ARHGAP22: variants seen among roughly 807,000 people sequenced by gnomAD.
ARHGAP22 encodes the protein rho GTPase-activating protein 22.
In ARHGAP22, 48 loss-of-function variants were observed where a neutral mutation model predicts 59.1. That is an observed-to-expected ratio of 0.81 (90% CI 0.64 to 1.03). The LOEUF is 1.03. Ranked by LOEUF, ARHGAP22 falls within the 50% of genes least tolerant of loss-of-function variation. The pLI, the probability that ARHGAP22 is intolerant of heterozygous loss-of-function variation, is 0.00. For missense variants in ARHGAP22, 1,015 were observed against 958.7 expected (o/e 1.06, Z -0.78); for synonymous variants, 445 against 416.4 (o/e 1.07, Z -0.84).
chr10:48,457,238 C>A (rs1055449454), intron 5 of ARHGAP22, among the ~76,000 whole-genome samples: 1 of 152,132 alleles, frequency 6.6e-6, no homozygotes, highest in Non-Finnish European at 1.5e-5. Flanking sequence ...TCCTGACTCG[C>A]CTCACTCCCC....
At chr10:48,472,278 C>G (rs954462285) in intron 4 of ARHGAP22, among the ~76,000 whole-genome samples, 10 of 151,692 alleles carry the variant, frequency 6.6e-5, no homozygotes, top group Admixed American at 1.3e-4. Context: ...AATCCCAGCA[C>G]TTTGGGAGGC....
At chr10:48,518,064 A>C (rs1231028195) in intron 3 of ARHGAP22, among the ~76,000 whole-genome samples, 3 of 150,160 alleles carry the variant, frequency 2.0e-5, no homozygotes, top group African/African-American at 7.4e-5. Context: ...TTTTTGAAAA[A>C]CCCCCAGGGC....
chr10:48,541,979 G>A (rs926673632), intron 3 of ARHGAP22, among the ~76,000 whole-genome samples: 7 of 152,238 alleles, frequency 4.6e-5, no homozygotes, highest in Admixed American at 3.3e-4. Flanking sequence ...TCAGCAGGTT[G>A]GACAGGAGAA....
At chr10:48,594,894 C>A (rs59433435) in intron 1 of ARHGAP22, among the ~76,000 whole-genome samples, 2 of 151,460 alleles carry the variant, frequency 1.3e-5, no homozygotes, top group African/African-American at 4.9e-5. Context: ...TCCCCCTCCC[C>A]CCCAACTGTG....
intron 3 of ARHGAP22, among the ~76,000 whole-genome samples, chr10:48,544,215 C>A (rs2056228150): frequency 1.3e-5 from 2 of 152,158 alleles, no homozygotes; most frequent in African/African-American, 4.8e-5. Flanking sequence ...AGCTGTCTTG[C>A]CAAGTAGGCA....
intron 3 of ARHGAP22, among the ~76,000 whole-genome samples, chr10:48,530,623 A>G (rs1457489211): frequency 6.6e-6 from 1 of 152,208 alleles, no homozygotes; most frequent in East Asian, 1.9e-4. Flanking sequence ...CGAACAAACA[A>G]TTCTCAAAAG....
the ARHGAP22 span, among the ~76,000 whole-genome samples, chr10:48,439,754 C>T: frequency 6.6e-6 from 1 of 152,184 alleles, no homozygotes; most frequent in Non-Finnish European, 1.5e-5. Context: ...TTCCTCTTTG[C>T]CTACGTTGGG....
At position 48,508,730 on chromosome 10, in the gene ARHGAP22, G is replaced by A. The variant is rs191695253; in HGVS notation, c.323-28966C>T. Among the ~76,000 whole-genome samples the A allele has an allele frequency of 2.6e-3, 398 of 152,382 alleles. 1 individual carries two copies. The highest frequency in any genetic ancestry group is 9.1e-3 in the African/African-American group (379 of 41,598). ...CCCAGCCAGGCAGCTGTGTGAGGAA[G>A]GGCCTGAGGGTAAATTGTATGGGAG... On this transcript the variant is annotated intron_variant, in intron 3 of 9. Transcript: ENST00000249601.
At chr10:48,553,444 TCAGATGGC>T (rs1349440594) in intron 3 of ARHGAP22, among the ~76,000 whole-genome samples, 3 of 152,220 alleles carry the variant, frequency 2.0e-5, no homozygotes, top group Admixed American at 2.0e-4. Context: ...GTAGGGGTCC[TCAGATGGC>T]CAGATGCCTG....
At chr10:48,504,973 G>A (rs558517834) in intron 3 of ARHGAP22, among the ~76,000 whole-genome samples, 1 of 152,140 alleles carries the variant, frequency 6.6e-6, no homozygotes, top group Non-Finnish European at 1.5e-5. Context: ...CAGGCAGAGG[G>A]GCCCAAGCAA....
chr10:48,456,705 C>T (rs1485590054), intron 5 of ARHGAP22, among the ~76,000 whole-genome samples: 1 of 152,118 alleles, frequency 6.6e-6, no homozygotes, highest in Non-Finnish European at 1.5e-5. Context: ...GCCACCCCTC[C>T]TCTGCAGACC....
At chr10:48,625,415 T>C (rs1347461666) in intron 1 of ARHGAP22, among the ~76,000 whole-genome samples, 1 of 152,022 alleles carries the variant, frequency 6.6e-6, no homozygotes. Context: ...GGGGTGATGA[T>C]TTGAATTCAG....
Position 48,450,998 on chromosome 10 carries a change from C to G in ARHGAP22, c.1131G>C (p.Arg377Ser). ...GGCCGCCGGGCTCTCCTTGGCTGTC[C>G]CTGGTGACCTCCTCGGAGCCCCACC... ...AVGWGSEEVT[R>S]DSQGEPGGPG... is the part of the protein sequence containing the mutation. The change falls in exon 9 of 10, where the codon AGG (arginine) becomes AGC (serine). Residue 377 changes from arginine (R) to serine (S), a missense_variant. Physicochemically the swap from Arg to Ser is moderately radical, Grantham distance 110. Coordinates refer to ENST00000249601, the MANE Select transcript of ARHGAP22 (RefSeq NM_021226.4). 7 of 1,558,878 alleles carry G rather than the reference C, an allele frequency of 4.5e-6. No homozygotes were observed. Among genetic ancestry groups the G allele is most frequent in the Non-Finnish European group, 6.1e-6 (7 of 1,151,864 alleles).
At chr10:48,635,700 C>T (rs986389889) in intron 1 of ARHGAP22, among the ~76,000 whole-genome samples, 14 of 152,250 alleles carry the variant, frequency 9.2e-5, no homozygotes, top group African/African-American at 3.4e-4. Flanking sequence ...CATTATGCCC[C>T]TCACACTGGC....
chr10:48,557,472 G>C (rs1266967885), intron 2 of ARHGAP22, among the ~76,000 whole-genome samples: 1 of 152,168 alleles, frequency 6.6e-6, no homozygotes, highest in Non-Finnish European at 1.5e-5. Flanking sequence ...TTAATGTAGA[G>C]ACCCCAGAGG....
At chr10:48,456,676 C>G (rs537324118) in intron 5 of ARHGAP22, among the ~76,000 whole-genome samples, 1 of 152,128 alleles carries the variant, frequency 6.6e-6, no homozygotes, top group Non-Finnish European at 1.5e-5. Flanking sequence ...CATTTCTGCC[C>G]TGGGTGAGTG....
chr10:48,466,715 G>C (rs1589547940), intron 4 of ARHGAP22: 1 of 147,512 alleles, frequency 6.8e-6, no homozygotes, highest in East Asian at 2.0e-4. Context: ...TGGAATGCCC[G>C]GCACGCGCGC....
At chr10:48,466,745 GC>G in intron 4 of ARHGAP22, 1 of 150,182 alleles carries the variant, frequency 6.7e-6, no homozygotes, top group Non-Finnish European at 1.5e-5. Flanking sequence ...CTTGCCCGCC[GC>G]CCGCCCGCCC....
At chr10:48,586,127 T>G (rs1489855486) in intron 1 of ARHGAP22, among the ~76,000 whole-genome samples, 1 of 152,220 alleles carries the variant, frequency 6.6e-6, no homozygotes, top group Admixed American at 6.5e-5. Context: ...TTATTATCCC[T>G]GCAAATGGAC....
Sources: gnomAD v4.1 joint callset for allele counts (sites outside exome capture counted in the v4.1 genomes callset) on GRCh38, gnomAD v4.1.1 for gene constraint, MANE v1.5 for transcripts, NCBI Gene and HGNC (gene_info 2026-07-23, HGNC 2026-07-21) for gene names.